The following PTPRD variants were observed in gnomAD, a reference collection of about 807,000 sequenced individuals.
PTPRD encodes receptor-type tyrosine-protein phosphatase delta.
PTPRD carries 34 observed loss-of-function variants against 214.5 expected under a neutral mutation model. The ratio of observed to expected loss-of-function variants is 0.16; its 90% CI spans 0.12 to 0.21. The LOEUF is 0.21. Ranked by LOEUF, PTPRD falls within the 10% of genes least tolerant of loss-of-function variation. PTPRD has a pLI of 1.00. For synonymous variants in PTPRD, 1,128 were observed against 845.7 expected, an observed-to-expected ratio of 1.33 and a Z score of -5.79; for missense variants, 2,545 against 2,398.7, an observed-to-expected ratio of 1.06 and a Z score of -1.27.
At chr9:9,530,260 G>C (rs899785149) in intron 8 of PTPRD, among the ~76,000 whole-genome samples, 3 of 152,048 alleles carry the variant, frequency 2.0e-5, no homozygotes, top group Non-Finnish European at 4.4e-5. Flanking sequence ...TTTCCAGACA[G>C]AAGAGTGAAG....
At chr9:9,938,821 T>G (rs1439778373) in intron 4 of PTPRD, among the ~76,000 whole-genome samples, 2 of 152,278 alleles carry the variant, frequency 1.3e-5, no homozygotes, top group African/African-American at 4.8e-5. Context: ...ATATTTTATC[T>G]CCTATAAAAT....
At chr9:10,272,407 A>G (rs2094470537) in intron 3 of PTPRD, among the ~76,000 whole-genome samples, 1 of 152,206 alleles carries the variant, frequency 6.6e-6, no homozygotes, top group South Asian at 2.1e-4. Context: ...GCATCTGTGA[A>G]CATTTACGTA....
rs116891837 is a variant in PTPRD at position 9,885,166 on chromosome 9, T to C, written c.-368+53341A>G. 4.6e-3 allele frequency among the ~76,000 whole-genome samples: 705 copies of C among 152,126 alleles called. 2 individuals are homozygous for C. Among genetic ancestry groups the C allele is most frequent in the Non-Finnish European group, 7.8e-3 (530 of 68,004 alleles). ...GCTTAAGGTACTGCATGGTTTCCTC[T>C]AGCTACTTATGATATAAAAAGAAAA... On this transcript the variant is annotated intron_variant, in intron 5 of 45. Transcript: ENST00000381196.
intron 9 of PTPRD, among the ~76,000 whole-genome samples, chr9:9,187,511 G>C (rs2099932364): frequency 6.6e-6 from 1 of 152,072 alleles, no homozygotes; most frequent in Non-Finnish European, 1.5e-5. Flanking sequence ...GAATAAGAGA[G>C]TGTGATTTTA....
chr9:10,283,234 G>C lies in PTPRD; in HGVS notation c.-545+57729C>G, dbSNP rs185652794. ...CTTCCTCTGAATTTCCCAAAACTAG[G>C]ACACATGTCCTGATGTATGTGCTTA... On this transcript the variant is annotated intron_variant, in intron 3 of 45. Coordinates refer to ENST00000381196, the MANE Select transcript of PTPRD (RefSeq NM_002839.4). Among the ~76,000 whole-genome samples, 4 of 151,986 alleles carry C rather than the reference G, an allele frequency of 2.6e-5. No individual in the cohort carries two copies. In the East Asian group the frequency reaches 7.7e-4, roughly 29 times the overall value.
intron 2 of PTPRD, among the ~76,000 whole-genome samples, chr9:10,372,775 G>C (rs951087324): frequency 6.6e-6 from 1 of 151,658 alleles, no homozygotes; most frequent in African/African-American, 2.4e-5. Context: ...TCATTACAAA[G>C]TGTGACTAGC....
chr9:10,315,692 C>T (rs1470841172), intron 3 of PTPRD, among the ~76,000 whole-genome samples: 1 of 151,890 alleles, frequency 6.6e-6, no homozygotes, highest in Non-Finnish European at 1.5e-5. Flanking sequence ...TAAAGTAAAA[C>T]ATACCTTGCT....
intron 10 of PTPRD, among the ~76,000 whole-genome samples, chr9:9,140,780 G>C (rs1202136929): frequency 1.3e-5 from 2 of 151,974 alleles, no homozygotes; most frequent in African/African-American, 4.8e-5. Context: ...GGGTTTCACC[G>C]TATTAGCCAG....
At chr9:10,433,194 C>T (rs1455179669) in intron 2 of PTPRD, among the ~76,000 whole-genome samples, 3 of 151,798 alleles carry the variant, frequency 2.0e-5, no homozygotes, top group Non-Finnish European at 4.4e-5. Context: ...GACCTTATTA[C>T]CTTTCCTAGT....
intron 37 of PTPRD, among the ~76,000 whole-genome samples, chr9:8,384,746 G>A (rs542174195): frequency 2.4e-4 from 37 of 152,204 alleles, no homozygotes; most frequent in East Asian, 1.4e-3. Flanking sequence ...CGCTGGTCTC[G>A]AACTCCTGAC....
intron 2 of PTPRD, among the ~76,000 whole-genome samples, chr9:10,464,227 A>C (rs993307815): frequency 3.9e-5 from 6 of 152,014 alleles, no homozygotes; most frequent in Admixed American, 3.9e-4. Flanking sequence ...GTGAAACCCC[A>C]TCTCTACTAA....
chr9:10,205,040 G>A (rs903227313), intron 3 of PTPRD, among the ~76,000 whole-genome samples: 2 of 97,060 alleles, frequency 2.1e-5, no homozygotes, highest in Admixed American at 1.6e-4. Flanking sequence ...GCAAAACTTT[G>A]CATTATTTTG....
chr9:9,948,982 T>C (rs990674397), intron 4 of PTPRD, among the ~76,000 whole-genome samples: 2 of 150,812 alleles, frequency 1.3e-5, no homozygotes, highest in Non-Finnish European at 2.9e-5. Flanking sequence ...TCTGATGCAA[T>C]GTCAGCATGG....
chr9:8,896,626 G>A (rs2098614637), intron 11 of PTPRD, among the ~76,000 whole-genome samples: 1 of 152,162 alleles, frequency 6.6e-6, no homozygotes, highest in Non-Finnish European at 1.5e-5. Context: ...TTAATGAAGA[G>A]GAGTAGGTAA....
chr9:9,068,586 T>A (rs79706539), intron 10 of PTPRD, among the ~76,000 whole-genome samples: 1 of 152,234 alleles, frequency 6.6e-6, no homozygotes, highest in Non-Finnish European at 1.5e-5. Flanking sequence ...CTTTCTCATC[T>A]TTATCTTGCA....
At chr9:8,471,118 A>G in intron 30 of PTPRD, 33 bp from the exon 31 acceptor site, 1 of 1,581,772 alleles carries the variant, frequency 6.3e-7, no homozygotes, top group African/African-American at 1.3e-5. Context: ...AAGTTAGGTT[A>G]GTTGAAAGGA....
At chr9:8,778,159 G>C (rs2095555992) in intron 11 of PTPRD, among the ~76,000 whole-genome samples, 1 of 152,184 alleles carries the variant, frequency 6.6e-6, no homozygotes, top group Non-Finnish European at 1.5e-5. Context: ...TCATATATAT[G>C]TATGTATGTA....
At chr9:8,691,760 T>G (rs1225218930) in intron 12 of PTPRD, among the ~76,000 whole-genome samples, 1 of 152,222 alleles carries the variant, frequency 6.6e-6, no homozygotes, top group East Asian at 1.9e-4. Flanking sequence ...ATTTTCAATG[T>G]GATGTGATCA....
chr9:10,410,270 T>TATATATATATATATATATATATATACAC (rs532202941), intron 2 of PTPRD, among the ~76,000 whole-genome samples: 2 of 139,852 alleles, frequency 1.4e-5, no homozygotes, highest in African/African-American at 5.1e-5. Flanking sequence ...TATATATATA[T>TATATATATATATATATATATATATACAC]ACACACACAC....
Sources: gnomAD v4.1 joint callset for allele counts (sites outside exome capture counted in the v4.1 genomes callset) on GRCh38, gnomAD v4.1.1 for gene constraint, MANE v1.5 for transcripts, NCBI Gene and HGNC (gene_info 2026-07-23, HGNC 2026-07-21) for gene names.